Variants in ITPRID1 observed in about 807,000 individuals in gnomAD.
ITPRID1 encodes the protein protein ITPRID1.
In ITPRID1, 96 loss-of-function variants were observed where a neutral mutation model predicts 95.4. The observed-to-expected ratio is 1.01, with a 90% confidence interval of 0.85 to 1.19. The LOEUF is 1.19. Ranked by LOEUF, ITPRID1 falls within the 50% of genes most tolerant of loss-of-function variation. ITPRID1 has a pLI of 0.00. For missense variants in ITPRID1, 1,339 were observed against 1,252.9 expected (o/e 1.07, Z -1.04); for synonymous variants, 510 against 453.6 (o/e 1.12, Z -1.58).
chr7:31,586,557 T>C (rs1267212306), intron 10 of ITPRID1, among the ~76,000 whole-genome samples: 1 of 150,952 alleles, frequency 6.6e-6, no homozygotes, highest in Admixed American at 6.6e-5. Flanking sequence ...TGGTATCTCA[T>C]TGTGGTTTTG....
intron 1 of ITPRID1, among the ~76,000 whole-genome samples, chr7:31,531,180 A>T (rs1357238475): frequency 6.6e-6 from 1 of 152,202 alleles, no homozygotes; most frequent in Non-Finnish European, 1.5e-5. Flanking sequence ...GCATGTTGGA[A>T]ATCCTGCAGA....
intron 10 of ITPRID1, among the ~76,000 whole-genome samples, chr7:31,620,155 C>G (rs1352132143): frequency 1.3e-5 from 2 of 152,174 alleles, no homozygotes; most frequent in Non-Finnish European, 1.5e-5. Context: ...CTGCCTGCCT[C>G]TGCAGGCTCC....
rs547237618 is a variant in ITPRID1 at position 31,557,913 on chromosome 7, G to A, written c.256+3012G>A. On this transcript the variant is annotated intron_variant, in intron 5 of 14. Coordinates refer to ENST00000615280, the MANE Select transcript of ITPRID1 (RefSeq NM_001257967.3). ...CCCTGGAAGGAAAGCTCTGTGCTGT[G>A]GTTTCAATGTTCCCTCCAAAACTCA... is the stretch of plus-strand genomic sequence containing the variant. Among the ~76,000 whole-genome samples the A allele has an allele frequency of 3.9e-5, 6 of 152,238 alleles. No individual in the cohort carries two copies. In the South Asian group the frequency reaches 1.2e-3, roughly 32 times the overall value.
At chr7:31,620,275 C>T (rs1198311621) in intron 10 of ITPRID1, among the ~76,000 whole-genome samples, 1 of 152,012 alleles carries the variant, frequency 6.6e-6, no homozygotes, top group African/African-American at 2.4e-5. Flanking sequence ...CAGCATGCAG[C>T]TGGAGATCTG....
chr7:31,627,410 C>T (rs893628694), intron 10 of ITPRID1, among the ~76,000 whole-genome samples: 6 of 152,106 alleles, frequency 3.9e-5, no homozygotes, highest in Admixed American at 6.5e-5. Flanking sequence ...ATAATCCCAG[C>T]TCTTTGGGAG....
chr7:31,564,340 A>C (rs1362536790), intron 5 of ITPRID1, among the ~76,000 whole-genome samples: 1 of 152,078 alleles, frequency 6.6e-6, no homozygotes, highest in East Asian at 1.9e-4. Flanking sequence ...AGAGTGGGAA[A>C]AATTTTTTTC....
rs189161346 is a variant in ITPRID1, at chr7:31,552,095, T to G, written c.-23-907T>G. 2.6e-3 allele frequency among the ~76,000 whole-genome samples: 367 copies of G among 143,474 alleles called. 21 individuals are homozygous for G. The highest frequency in any genetic ancestry group is 8.4e-3 in the African/African-American group (343 of 40,832). The allele number at this position is 143,474 out of a possible 152,430, so 94.1% of individuals were successfully genotyped here. On this transcript the variant is annotated intron_variant, in intron 2 of 14. Transcript: ENST00000615280. ...AGTCTGCGGAGACCGAACAATTTCT[T>G]TTGCTGCGCTAAGCTGCTGTGTCCT...
chr7:31,600,075 A>T (rs895889370), intron 10 of ITPRID1, among the ~76,000 whole-genome samples: 5 of 152,206 alleles, frequency 3.3e-5, no homozygotes, highest in African/African-American at 1.2e-4. Context: ...AGATTTAACA[A>T]AAAAAGTCAG....
At chr7:31,601,495 G>C (rs1330534186) in intron 10 of ITPRID1, among the ~76,000 whole-genome samples, 3 of 152,166 alleles carry the variant, frequency 2.0e-5, no homozygotes, top group Non-Finnish European at 4.4e-5. Flanking sequence ...CTGGTCAAGT[G>C]CTCTGACTTG....
chr7:31,594,963 CAT>C (rs1034928577), intron 10 of ITPRID1, among the ~76,000 whole-genome samples: 9 of 151,226 alleles, frequency 6.0e-5, no homozygotes, highest in African/African-American at 1.7e-4. Context: ...TAATTAATAA[CAT>C]GTACTCAATA....
In ITPRID1 at chr7:31,572,334, A is replaced by G. The variant is rs1309979146; in HGVS notation, c.395+146A>G. 1.5e-5 allele frequency: 9 copies of G among 601,312 alleles called. No homozygotes were observed. The East Asian group carries it at 2.5e-4, about 17-fold the overall frequency. 37.2% of individuals were successfully genotyped at this position (601,312 alleles called of 1,614,324 possible). A position where few individuals can be genotyped will look rare whatever the true frequency, so the allele number is the denominator to read the frequency against. ...AACCCCATCTTGCAATAACAATATA[A>G]AAGAGTTAAAGGAGTTAATAAAATT... is the stretch of plus-strand genomic sequence containing the variant. On this transcript the variant is annotated intron_variant, in intron 7 of 14. Transcript: ENST00000615280.
downstream of ITPRID1, chr7:31,658,178 G>A (rs761825063): frequency 1.5e-4 from 173 of 1,140,868 alleles, no homozygotes; most frequent in Non-Finnish European, 2.0e-4. Context: ...ATGTAGATTT[G>A]TGTAAGGATA....
At chr7:31,620,295 A>C (rs1043252709) in intron 10 of ITPRID1, among the ~76,000 whole-genome samples, 3 of 152,136 alleles carry the variant, frequency 2.0e-5, no homozygotes, top group African/African-American at 4.8e-5. Flanking sequence ...GAGAACGGGC[A>C]GACTGCCTCC....
chr7:31,634,489 C>G (rs896282381), intron 10 of ITPRID1, among the ~76,000 whole-genome samples: 44 of 152,068 alleles, frequency 2.9e-4, no homozygotes, highest in Non-Finnish European at 4.3e-4. Context: ...GGGACAGACT[C>G]AGAGAGAGTA....
chr7:31,554,716 CCTGA>C (rs1477201144), intron 4 of ITPRID1, 138 bp from the exon 5 acceptor site: 4 of 962,882 alleles, frequency 4.2e-6, no homozygotes, highest in Non-Finnish European at 6.3e-6. Flanking sequence ...TACTCTAGTC[CCTGA>C]CTGTTTATTG....
intron 10 of ITPRID1, among the ~76,000 whole-genome samples, chr7:31,626,311 T>C (rs1321142482): frequency 6.6e-6 from 1 of 152,236 alleles, no homozygotes; most frequent in Non-Finnish European, 1.5e-5. Flanking sequence ...ATAACTCCTT[T>C]TGAAGAGTTC....
intron 10 of ITPRID1, among the ~76,000 whole-genome samples, chr7:31,636,779 C>G (rs1179283005): frequency 6.6e-6 from 1 of 150,764 alleles, no homozygotes; most frequent in Non-Finnish European, 1.5e-5. Flanking sequence ...GCGTAATGTG[C>G]AGGTTTGTTA....
intron 1 of ITPRID1, among the ~76,000 whole-genome samples, chr7:31,543,551 C>T (rs1245702629): frequency 6.6e-6 from 1 of 151,896 alleles, no homozygotes; most frequent in Non-Finnish European, 1.5e-5. Context: ...TCTTCATATG[C>T]GTATTTTCCA....
At chr7:31,545,908 C>T (rs1309258789) in intron 1 of ITPRID1, among the ~76,000 whole-genome samples, 1 of 152,088 alleles carries the variant, frequency 6.6e-6, no homozygotes, top group Admixed American at 6.6e-5. Context: ...GAAGGACATT[C>T]CTGGCTTGAT....
Sources: allele counts gnomAD v4.1 joint callset (sites outside exome capture counted in the v4.1 genomes callset), GRCh38; gene constraint gnomAD v4.1.1; transcripts MANE v1.5; gene names NCBI Gene and HGNC (gene_info 2026-07-23, HGNC 2026-07-21).